Variants in IGF1 observed in about 807,000 individuals in gnomAD.
The protein encoded by IGF1 is insulin-like growth factor 1.
Under a neutral mutation model 13.8 loss-of-function variants are expected in IGF1, and 4 were observed. That is an observed-to-expected ratio of 0.29 (90% CI 0.14 to 0.66). The LOEUF (loss-of-function observed/expected upper bound fraction) is 0.66, where lower values mean the gene tolerates loss of function less well. IGF1 is among the 30% of genes least tolerant of loss of function. The pLI is 0.78. For synonymous variants in IGF1, 76 were observed against 72.6 expected (o/e 1.05, Z -0.23); for missense variants, 124 against 188.5 (o/e 0.66, Z 2.00).
At chr12:102,473,580 A>T (rs974506129) in intron 2 of IGF1, among the ~76,000 whole-genome samples, 2 of 152,344 alleles carry the variant, frequency 1.3e-5, no homozygotes, top group East Asian at 1.9e-4. Context: ...CATGACACAC[A>T]TATTTTCAAT....
At chr12:102,435,292 A>G (rs972419113) in intron 2 of IGF1, among the ~76,000 whole-genome samples, 1 of 152,250 alleles carries the variant, frequency 6.6e-6, no homozygotes, top group Non-Finnish European at 1.5e-5. Context: ...TGATGCATGC[A>G]TGAGTGAACA....
intron 1 of IGF1, chr12:102,478,584 C>A: frequency 6.4e-7 from 1 of 1,572,892 alleles, no homozygotes; most frequent in South Asian, 1.2e-5. Context: ...GTCTTAAAAA[C>A]ATGTGCTGCT....
intron 2 of IGF1, among the ~76,000 whole-genome samples, chr12:102,434,148 T>C (rs12833855): frequency 0.63 from 87,577 of 138,338 alleles, 25,520 homozygotes; most frequent in Admixed American, 0.69. Context: ...AGTCATCTCT[T>C]TTTTTTTTTT....
intron 2 of IGF1, among the ~76,000 whole-genome samples, chr12:102,438,233 GTCT>G (rs1877410400): frequency 6.6e-6 from 1 of 152,174 alleles, no homozygotes; most frequent in African/African-American, 2.4e-5. Flanking sequence ...TTCCTCTGCG[GTCT>G]TCTTTCTATC....
chr12:102,445,320 C>A (rs995670536), intron 2 of IGF1, among the ~76,000 whole-genome samples: 1 of 151,958 alleles, frequency 6.6e-6, no homozygotes, highest in Non-Finnish European at 1.5e-5. Context: ...CTATAAATTA[C>A]TTTGGGCAGT....
chr12:102,418,494 C>T (rs868656272), intron 3 of IGF1, among the ~76,000 whole-genome samples: 3 of 152,238 alleles, frequency 2.0e-5, no homozygotes, highest in South Asian at 2.1e-4. Context: ...CTTGATCTCT[C>T]ATCTTGTGCT....
At position 102,398,943 on chromosome 12, in the gene IGF1, T is replaced by C. The variant is rs1364327979; in HGVS notation, c.*3564A>G. 1.3e-5 allele frequency: 2 copies of C among 152,572 alleles called. No homozygotes were observed. Among genetic ancestry groups the C allele is most frequent in the Non-Finnish European group, 2.9e-5 (2 of 68,006 alleles). The allele number at this position is 152,572 out of a possible 1,614,324, so 9.5% of individuals were successfully genotyped here. A position where few individuals can be genotyped will look rare whatever the true frequency, so the allele number is the denominator to read the frequency against. On this transcript the variant is annotated 3_prime_UTR_variant, in exon 4 of 4. Coordinates refer to ENST00000337514, the MANE Select transcript of IGF1 (RefSeq NM_000618.5). The stretch of plus-strand genomic sequence containing the variant: ...GTGCATAAAATAGTAACAGAAACCC[T>C]GGAGCCACAGAGCATGAGATGGTTT...
At chr12:102,455,348 A>G (rs1315997955) in intron 2 of IGF1, among the ~76,000 whole-genome samples, 2 of 152,236 alleles carry the variant, frequency 1.3e-5, no homozygotes, top group African/African-American at 4.8e-5. Context: ...CACTTGGAAG[A>G]GAGAGGTCAC....
At chr12:102,418,105 G>T in intron 3 of IGF1, 2 of 1,248,100 alleles carry the variant, frequency 1.6e-6, no homozygotes, top group Non-Finnish European at 2.2e-6. Context: ...GCAGGAGACA[G>T]CACTCATGCT....
intron 2 of IGF1, among the ~76,000 whole-genome samples, chr12:102,453,347 G>T (rs908117792): frequency 2.0e-5 from 3 of 152,150 alleles, no homozygotes; most frequent in Non-Finnish European, 2.9e-5. Context: ...TTGGAAAGAT[G>T]ATCTTAAAGA....
intron 2 of IGF1, among the ~76,000 whole-genome samples, chr12:102,429,997 T>C (rs934388451): frequency 2.6e-5 from 4 of 152,214 alleles, no homozygotes; most frequent in Non-Finnish European, 4.4e-5. Context: ...GACACACAGC[T>C]GGGGAAGCTC....
intron 3 of IGF1, among the ~76,000 whole-genome samples, chr12:102,403,623 A>ATTT (rs142169670): frequency 2.5e-5 from 2 of 80,602 alleles, no homozygotes; most frequent in Non-Finnish European, 2.3e-5. Context: ...TGCCTTGACA[A>ATTT]TTTTTTTTTT....
intron 2 of IGF1, among the ~76,000 whole-genome samples, chr12:102,458,276 G>T (rs192867405): frequency 3.9e-5 from 6 of 152,140 alleles, no homozygotes; most frequent in Admixed American, 2.6e-4. Flanking sequence ...CATTATCTCA[G>T]CCCAGCCCCC....
intron 3 of IGF1, among the ~76,000 whole-genome samples, chr12:102,418,792 T>G (rs994800859): frequency 9.9e-5 from 15 of 152,218 alleles, no homozygotes; most frequent in Admixed American, 9.8e-4. Context: ...GATGGCATAG[T>G]TGGTACCTCT....
chr12:102,441,958 T>C (rs12810139), intron 2 of IGF1, among the ~76,000 whole-genome samples: 2,959 of 38,186 alleles, frequency 0.077, 79 homozygotes, highest in African/African-American at 0.25. Flanking sequence ...TCTTCTTCTT[T>C]TTTTTTTTTG....
chr12:102,406,865 G>A (rs778891401), intron 3 of IGF1, among the ~76,000 whole-genome samples: 1 of 152,032 alleles, frequency 6.6e-6, no homozygotes, highest in East Asian at 1.9e-4. Context: ...GGCCGAGGTG[G>A]GCAGATCACT....
At position 102,458,682 on chromosome 12, in the gene IGF1, C is replaced by T. The variant is rs78146489; in HGVS notation, c.220+16961G>A. Among the ~76,000 whole-genome samples, 6 of 127,780 alleles carry T rather than the reference C, an allele frequency of 4.7e-5. No homozygotes were observed. The East Asian group carries it at 1.3e-3, about 28-fold the overall frequency. The allele number at this position is 127,780 out of a possible 152,430, so 83.8% of individuals were successfully genotyped here. ...CTTACAGAGATTAATAAAACATAGC[C>T]CTCACCTTTGCAGAGCTTATAGTTA... On this transcript the variant is annotated intron_variant, in intron 2 of 3. Transcript: ENST00000337514.
chr12:102,450,069 G>A (rs1878781544), intron 2 of IGF1, among the ~76,000 whole-genome samples: 1 of 152,164 alleles, frequency 6.6e-6, no homozygotes, highest in African/African-American at 2.4e-5. Context: ...TCTTCCGAAT[G>A]GAGAAAATCC....
At chr12:102,417,134 A>C (rs1875211686) in intron 3 of IGF1, among the ~76,000 whole-genome samples, 1 of 152,328 alleles carries the variant, frequency 6.6e-6, no homozygotes, top group African/African-American at 2.4e-5. Flanking sequence ...TCTGTGGTTT[A>C]AACTACCTAG....
Sources: allele counts gnomAD v4.1 joint callset (sites outside exome capture counted in the v4.1 genomes callset), GRCh38; gene constraint gnomAD v4.1.1; transcripts MANE v1.5; gene names NCBI Gene and HGNC (gene_info 2026-07-23, HGNC 2026-07-21).